HMGB1: variants seen among roughly 807,000 people sequenced by gnomAD.
The protein encoded by HMGB1 is high mobility group box 1.
For synonymous variants in HMGB1, 81 were observed against 84.0 expected (o/e 0.96, Z 0.19); for missense variants, 79 against 253.5 (o/e 0.31, Z 4.67).
intron 1 of HMGB1, among the ~76,000 whole-genome samples, chr13:30,528,185 A>G (rs966767134): frequency 6.6e-6 from 1 of 152,210 alleles, no homozygotes; most frequent in African/African-American, 2.4e-5. Flanking sequence ...GTTTTGACTC[A>G]GGGCTCCCAT....
intron 1 of HMGB1, among the ~76,000 whole-genome samples, chr13:30,609,099 T>C (rs1361638740): frequency 6.7e-6 from 1 of 149,872 alleles, no homozygotes; most frequent in Non-Finnish European, 1.5e-5. Flanking sequence ...CCGTCTCTAC[T>C]AAAAATACAA....
At chr13:30,589,832 T>G (rs1279397377) in intron 1 of HMGB1, among the ~76,000 whole-genome samples, 3 of 151,216 alleles carry the variant, frequency 2.0e-5, no homozygotes, top group Non-Finnish European at 4.4e-5. Flanking sequence ...ATTGTGCCAC[T>G]GCACTCTAGC....
intron 1 of HMGB1, among the ~76,000 whole-genome samples, chr13:30,574,207 C>A (rs1870551771): frequency 6.6e-6 from 1 of 152,212 alleles, no homozygotes; most frequent in South Asian, 2.1e-4. Flanking sequence ...GAATTAATTT[C>A]TCTTCTGGGC....
chr13:30,469,265 A>C (rs905226113), upstream of HMGB1, among the ~76,000 whole-genome samples: 1 of 152,182 alleles, frequency 6.6e-6, no homozygotes, highest in Non-Finnish European at 1.5e-5. Context: ...CCCATGCTCA[A>C]TTTAAACAAC....
intron 1 of HMGB1, among the ~76,000 whole-genome samples, chr13:30,526,918 C>T (rs139131699): frequency 5.3e-5 from 8 of 152,362 alleles, no homozygotes; most frequent in African/African-American, 1.2e-4. Flanking sequence ...GCCTGAGGTC[C>T]GTGCTCCATT....
rs576814892 is a variant in HMGB1, at chr13:30,567,671, C to T, written c.-15+49000G>A. Among the ~76,000 whole-genome samples the T allele has an allele frequency of 1.6e-4, 25 of 152,274 alleles. No individual in the cohort carries two copies. The South Asian group carries it at 5.0e-3, about 30-fold the overall frequency. The stretch of plus-strand genomic sequence containing the variant: ...AGCCTGTTAACCAAATTTCTAATCA[C>T]ACACACTTGAGGCCCAGTAAATGCC... On this transcript the variant is annotated intron_variant, in intron 1 of 4. Coordinates refer to the HMGB1 transcript ENST00000405805.
intron 1 of HMGB1, among the ~76,000 whole-genome samples, chr13:30,508,052 T>C (rs931586518): frequency 1.3e-5 from 2 of 152,108 alleles, no homozygotes; most frequent in Admixed American, 6.5e-5. Context: ...TGGCTGGCCA[T>C]GGCCTTGAAC....
intron 1 of HMGB1, chr13:30,463,932 A>G (rs1204651008): frequency 6.7e-6 from 3 of 449,110 alleles, no homozygotes; most frequent in Non-Finnish European, 1.1e-5. Context: ...GTCTAGACAC[A>G]AAGATATACC....
intron 1 of HMGB1, among the ~76,000 whole-genome samples, chr13:30,572,062 T>G (rs9578188): frequency 0.026 from 3,949 of 152,264 alleles, 182 homozygotes; most frequent in African/African-American, 0.09. Flanking sequence ...TTTTGCAAGT[T>G]CATGATGGGA....
At chr13:30,592,222 T>C (rs1243301388) in intron 1 of HMGB1, among the ~76,000 whole-genome samples, 1 of 152,166 alleles carries the variant, frequency 6.6e-6, no homozygotes, top group Non-Finnish European at 1.5e-5. Context: ...CTTCTTGAAT[T>C]TCTGTTATCT....
intron 1 of HMGB1, among the ~76,000 whole-genome samples, chr13:30,616,457 G>GT (rs960291564): frequency 6.6e-6 from 1 of 152,136 alleles, no homozygotes; most frequent in African/African-American, 2.4e-5. Flanking sequence ...CAGCAAGTTT[G>GT]TTTTTTACAA....
At chr13:30,543,666 G>A (rs1169182884) in intron 1 of HMGB1, among the ~76,000 whole-genome samples, 1 of 152,178 alleles carries the variant, frequency 6.6e-6, no homozygotes, top group African/African-American at 2.4e-5. Flanking sequence ...GGATACCAGG[G>A]AGAGGGTGTG....
chr13:30,545,655 A>G (rs745365834), intron 1 of HMGB1, among the ~76,000 whole-genome samples: 9 of 151,902 alleles, frequency 5.9e-5, no homozygotes, highest in Non-Finnish European at 1.2e-4. Flanking sequence ...ACTAAACTTC[A>G]TTTCCTCAGT....
chr13:30,513,271 G>A (rs1450591878), intron 1 of HMGB1, among the ~76,000 whole-genome samples: 1 of 152,108 alleles, frequency 6.6e-6, no homozygotes, highest in African/African-American at 2.4e-5. Flanking sequence ...CCAGCTTTTG[G>A]CTCTTTAGTC....
chr13:30,481,340 G>A (rs369114595), intron 1 of HMGB1, among the ~76,000 whole-genome samples: 3 of 152,096 alleles, frequency 2.0e-5, no homozygotes, highest in African/African-American at 7.2e-5. Flanking sequence ...AAGGGGAAGA[G>A]TGAAGGCTGG....
chr13:30,537,656 T>TCC (rs1868509372), intron 1 of HMGB1, among the ~76,000 whole-genome samples: 1 of 53,996 alleles, frequency 1.9e-5, no homozygotes, highest in African/African-American at 1.7e-4. Flanking sequence ...CTTGTTCATA[T>TCC]ATATATATAT....
intron 1 of HMGB1, among the ~76,000 whole-genome samples, chr13:30,506,124 C>A (rs189020862): frequency 9.5e-4 from 145 of 152,256 alleles, no homozygotes; most frequent in African/African-American, 3.3e-3. Context: ...AGGATCGGAT[C>A]GGGGGAGGTG....
chr13:30,617,463 G>T, exon 1 of HMGB1: 1 of 152,162 alleles, frequency 6.6e-6, no homozygotes, highest in Non-Finnish European at 1.5e-5. Context: ...CACCCCCGCC[G>T]GCTTCGGAAG....
intron 1 of HMGB1, among the ~76,000 whole-genome samples, chr13:30,594,722 T>A (rs1028582236): frequency 3.3e-5 from 5 of 152,234 alleles, no homozygotes; most frequent in Non-Finnish European, 7.3e-5. Context: ...CAGAATGATT[T>A]ATTTTCCTGT....
Sources: allele counts gnomAD v4.1 joint callset (sites outside exome capture counted in the v4.1 genomes callset), GRCh38; gene constraint gnomAD v4.1.1; transcripts MANE v1.5; gene names NCBI Gene and HGNC (gene_info 2026-07-23, HGNC 2026-07-21).